The following PHF8 variants were observed in gnomAD, a reference collection of about 807,000 sequenced individuals.
PHF8 encodes histone lysine demethylase PHF8.
A neutral mutation model predicts 74.4 loss-of-function variants in PHF8; 9 were observed. The observed-to-expected ratio is 0.12, with a 90% CI of 0.07 to 0.21. PHF8 has a LOEUF of 0.21. Among genes scored for constraint, PHF8 ranks in the 10% least tolerant of loss-of-function variants. The pLI, the probability that PHF8 is intolerant of heterozygous loss-of-function variation, is 1.00. For missense variants in PHF8, 478 were observed against 816.6 expected (o/e 0.59, Z 5.05); for synonymous variants, 311 against 316.6 (o/e 0.98, Z 0.19).
chrX:54,002,032 T>C (rs2065835361), intron 10 of PHF8, 123 bp downstream of exon 10: 1 of 508,175 alleles, frequency 2.0e-6, no homozygotes, highest in African/African-American at 2.3e-5. Context: ...TTTTAATTTA[T>C]ATACTGAGAT....
intron 19 of PHF8, among the ~76,000 whole-genome samples, chrX:53,948,012 G>A (rs2064856690): frequency 8.9e-6 from 1 of 112,021 alleles, no homozygotes; most frequent in African/African-American, 3.2e-5. Flanking sequence ...ACTTCATGCA[G>A]TAGAGACAAG....
intron 12 of PHF8, among the ~76,000 whole-genome samples, chrX:53,994,819 T>A (rs782276419): frequency 8.9e-6 from 1 of 112,024 alleles, no homozygotes; most frequent in East Asian, 2.8e-4. Flanking sequence ...GATGTATATA[T>A]CCTGGGCACT....
chrX:53,973,158 A>C (rs904646595), intron 18 of PHF8, among the ~76,000 whole-genome samples: 7 of 112,031 alleles, frequency 6.2e-5, no homozygotes, highest in Non-Finnish European at 1.3e-4. Context: ...GGACACCAAC[A>C]AGTGGAAAAA....
At chrX:53,977,385 C>G (rs781847478) in intron 18 of PHF8, among the ~76,000 whole-genome samples, 25 of 111,862 alleles carry the variant, frequency 2.2e-4, no homozygotes, top group African/African-American at 7.8e-4. Flanking sequence ...AAATCCTTAA[C>G]AAGAAATCTT....
At chrX:53,953,319 TAGAG>T (rs1557087578) in intron 19 of PHF8, among the ~76,000 whole-genome samples, 93 of 40,089 alleles carry the variant, frequency 2.3e-3, no homozygotes, top group Non-Finnish European at 3.5e-3. Flanking sequence ...CCCTCACATA[TAGAG>T]AGATAAAAAA....
chrX:53,987,415 T>C (rs1268851529), intron 15 of PHF8, among the ~76,000 whole-genome samples: 1 of 110,910 alleles, frequency 9.0e-6, no homozygotes, highest in Non-Finnish European at 1.9e-5. Context: ...AAAACAAATA[T>C]AAAATGGGCA....
Position 54,041,320 on chromosome X carries a change from G to A in PHF8, c.98+1311C>T, listed in dbSNP as rs373390557. 8.4e-5 allele frequency among the ~76,000 whole-genome samples: 9 copies of A among 107,576 alleles called. No homozygotes were observed. In the South Asian group the frequency reaches 3.4e-3, roughly 40 times the overall value. The allele number at this position is 107,576 out of a possible 115,157, so 93.4% of individuals were successfully genotyped here. ...AATCGCTTGAACCCGGGAGGCAGAG[G>A]TTGCAGTGAGCTGAGATCATGCCAT... On this transcript the variant is annotated intron_variant, in intron 2 of 21. Coordinates refer to ENST00000338154, the MANE Select transcript of PHF8 (RefSeq NM_015107.3).
intron 19 of PHF8, among the ~76,000 whole-genome samples, chrX:53,956,454 G>C (rs992760432): frequency 1.8e-5 from 2 of 111,128 alleles, no homozygotes; most frequent in African/African-American, 6.5e-5. Context: ...ATCTTTTTGG[G>C]GGGAATACCA....
chrX:54,044,948 C>T (rs372613746), upstream of PHF8: 7 of 1,023,572 alleles, frequency 6.8e-6, no homozygotes, highest in South Asian at 1.4e-4. Flanking sequence ...TGGTTCTTCC[C>T]CCTGTGAAGG....
In PHF8 at chrX:53,992,750, C is replaced by A; in HGVS notation, c.1716G>T (p.Leu572Phe). The A allele has an allele frequency of 8.5e-7, 1 of 1,179,344 alleles. No homozygotes were observed. ...LDGNESPLAL[L>F]MSNGSTKRVK... The stretch of plus-strand genomic sequence containing the variant: ...TCCCACCTCACCTGCCGTTAGACAT[C>A]AATAGGGCCAATGGGCTCTCATTTC... Residue 572 changes from leucine to phenylalanine, a missense_variant, in exon 14 of 22, where the codon TTG becomes TTT. Leu to Phe is a conservative substitution (Grantham distance 22). Transcript: ENST00000338154.
intron 2 of PHF8, among the ~76,000 whole-genome samples, chrX:54,035,290 G>C (rs1557113734): frequency 9.3e-6 from 1 of 107,893 alleles, no homozygotes; most frequent in Admixed American, 1.0e-4. Flanking sequence ...CCAGGAGGCA[G>C]AGGTTGCAGT....
At chrX:53,950,218 G>A (rs1436622610) in intron 19 of PHF8, among the ~76,000 whole-genome samples, 1 of 111,537 alleles carries the variant, frequency 9.0e-6, no homozygotes, top group African/African-American at 3.3e-5. Flanking sequence ...GCAATGTAGT[G>A]AGCAGAAAGG....
intron 7 of PHF8, among the ~76,000 whole-genome samples, chrX:54,013,541 G>A (rs1403261407): frequency 1.3e-4 from 14 of 111,527 alleles, no homozygotes; most frequent in African/African-American, 4.2e-4. Context: ...AGAACGGCTG[G>A]GTGCAGTGGC....
In PHF8 at chrX:53,987,901, T is replaced by C; in HGVS notation, c.1774A>G (p.Ile592Val). ...CTAGCCTTGTCTACCTTCTTTGCTA[T>C]CTTGGTTCGCCGAGATTTGGATAAA... The part of the protein sequence containing the change: ...KSLSKSRRTK[I>V]AKKVDKARLM... Residue 592 changes from isoleucine (I) to valine (V), a missense_variant, in exon 15 of 22, where the codon ATA becomes GTA. Coordinates refer to ENST00000338154, the MANE Select transcript of PHF8 (RefSeq NM_015107.3). 8.3e-7 allele frequency: 1 copy of C among 1,210,097 alleles called. No homozygotes were observed. Among genetic ancestry groups the C allele is most frequent in the African/African-American group, 1.7e-5 (1 of 57,719 alleles).
intron 19 of PHF8, among the ~76,000 whole-genome samples, chrX:53,959,821 A>G: frequency 1.1e-5 from 1 of 93,875 alleles, no homozygotes; most frequent in African/African-American, 4.0e-5. Flanking sequence ...CCAAGATTGC[A>G]CCACTGCACT....
chrX:53,996,136 G>A (rs1434363158), intron 11 of PHF8, among the ~76,000 whole-genome samples: 1 of 108,180 alleles, frequency 9.2e-6, no homozygotes, highest in Non-Finnish European at 1.9e-5. Flanking sequence ...TTTTTTTTGA[G>A]ATGGAGTTTC....
chrX:54,012,013 A>C (rs1175010700), intron 7 of PHF8, among the ~76,000 whole-genome samples: 1 of 111,375 alleles, frequency 9.0e-6, no homozygotes, highest in East Asian at 2.8e-4. Context: ...GAGAATTTTG[A>C]ATCAGGTCTG....
intron 8 of PHF8, among the ~76,000 whole-genome samples, chrX:54,009,844 GAAAAAAAAAA>G (rs782363250): frequency 1.5e-3 from 14 of 9,373 alleles, no homozygotes; most frequent in African/African-American, 2.2e-3. Flanking sequence ...CTCTGTCTCA[GAAAAAAAAAA>G]AAAAAAAAAA....
intron 18 of PHF8, among the ~76,000 whole-genome samples, chrX:53,976,946 C>T (rs1355561736): frequency 3.6e-5 from 4 of 111,692 alleles, no homozygotes; most frequent in Non-Finnish European, 5.6e-5. Context: ...TTCACTACTG[C>T]CCTTGGCTAG....
Sources: allele counts gnomAD v4.1 joint callset (sites outside exome capture counted in the v4.1 genomes callset), GRCh38; gene constraint gnomAD v4.1.1; transcripts MANE v1.5; gene names NCBI Gene and HGNC (gene_info 2026-07-23, HGNC 2026-07-21).